GRM7: variants seen among roughly 807,000 people sequenced by gnomAD.
GRM7 encodes the protein metabotropic glutamate receptor 7.
A neutral mutation model predicts 84.5 loss-of-function variants in GRM7; 35 were observed. The observed-to-expected ratio is 0.41, with a 90% CI of 0.32 to 0.55. The LOEUF (loss-of-function observed/expected upper bound fraction) is 0.55, where lower values mean the gene tolerates loss of function less well. Ranked by LOEUF, GRM7 falls within the 20% of genes least tolerant of loss-of-function variation. The probability of loss-of-function intolerance (pLI) is 0.19; values close to 1 mark genes in which losing one functional copy is unlikely to be tolerated. For missense variants in GRM7, 1,003 were observed against 1,194.6 expected, an observed-to-expected ratio of 0.84 and a Z score of 2.36; for synonymous variants, 487 against 455.1, an observed-to-expected ratio of 1.07 and a Z score of -0.89.
chr3:7,537,875 A>G (rs1170723217), intron 7 of GRM7, among the ~76,000 whole-genome samples: 1 of 152,242 alleles, frequency 6.6e-6, no homozygotes, highest in African/African-American at 2.4e-5. Flanking sequence ...ATGTAGGCCA[A>G]TATGGTCTAC....
intron 1 of GRM7, among the ~76,000 whole-genome samples, chr3:6,879,440 A>G (rs1045228666): frequency 2.6e-5 from 4 of 152,234 alleles, no homozygotes; most frequent in Admixed American, 2.6e-4. Flanking sequence ...TGAAAGATAT[A>G]ACACACTACA....
intron 5 of GRM7, among the ~76,000 whole-genome samples, chr3:7,439,707 A>G (rs1697207828): frequency 6.6e-6 from 1 of 152,210 alleles, no homozygotes; most frequent in South Asian, 2.1e-4. Flanking sequence ...ACACTGATAC[A>G]TGGGGCTATG....
chr3:6,905,361 A>G (rs1466409729), intron 1 of GRM7, among the ~76,000 whole-genome samples: 2 of 152,164 alleles, frequency 1.3e-5, no homozygotes, highest in Admixed American at 1.3e-4. Flanking sequence ...TGTTGATATT[A>G]CAAGTGTATC....
chr3:7,421,519 C>A (rs368291108), intron 5 of GRM7, among the ~76,000 whole-genome samples: 8 of 152,116 alleles, frequency 5.3e-5, no homozygotes, highest in African/African-American at 1.4e-4. Context: ...CAGGCCTGGA[C>A]CTTAGTTACA....
intron 2 of GRM7, among the ~76,000 whole-genome samples, chr3:7,232,795 G>A (rs540020906): frequency 6.6e-6 from 1 of 152,270 alleles, no homozygotes; most frequent in African/African-American, 2.4e-5. Context: ...GCAGAGCTAA[G>A]ATTCTAACTC....
chr3:7,519,490 A>C (rs59401612), intron 7 of GRM7, among the ~76,000 whole-genome samples: 1 of 152,186 alleles, frequency 6.6e-6, no homozygotes, highest in Non-Finnish European at 1.5e-5. Flanking sequence ...GTTAACCTTA[A>C]TATTCAATTC....
intron 1 of GRM7, among the ~76,000 whole-genome samples, chr3:6,906,817 C>A (rs554691965): frequency 6.6e-6 from 1 of 152,226 alleles, no homozygotes; most frequent in South Asian, 2.1e-4. Context: ...AAAAAAGTTT[C>A]TCTAAATATA....
intron 4 of GRM7, among the ~76,000 whole-genome samples, chr3:7,361,355 A>C (rs1296235394): frequency 3.9e-5 from 6 of 152,136 alleles, no homozygotes; most frequent in Non-Finnish European, 8.8e-5. Flanking sequence ...AAGCAAGTCT[A>C]GACACAAGGT....
intron 4 of GRM7, among the ~76,000 whole-genome samples, chr3:7,342,183 G>A (rs1056854507): frequency 6.6e-6 from 1 of 152,000 alleles, no homozygotes; most frequent in Non-Finnish European, 1.5e-5. Context: ...AATGACTCAG[G>A]GACCCAGAGA....
chr3:6,955,175 A>T (rs1327096630), intron 1 of GRM7, among the ~76,000 whole-genome samples: 2 of 152,254 alleles, frequency 1.3e-5, no homozygotes, highest in Admixed American at 6.5e-5. Context: ...GTATCAAAAC[A>T]AGACAAAACA....
intron 2 of GRM7, among the ~76,000 whole-genome samples, chr3:7,172,999 A>G (rs1032709352): frequency 3.9e-5 from 6 of 152,128 alleles, no homozygotes; most frequent in African/African-American, 1.4e-4. Flanking sequence ...ACACCTATAT[A>G]TTACTATATA....
At chr3:7,510,674 T>A (rs1236762707) in intron 7 of GRM7, among the ~76,000 whole-genome samples, 2 of 152,310 alleles carry the variant, frequency 1.3e-5, no homozygotes, top group Middle Eastern at 3.4e-3. Flanking sequence ...TCAGATCAAA[T>A]CTGTCCTGCT....
intron 1 of GRM7, among the ~76,000 whole-genome samples, chr3:6,927,053 A>G (rs763213217): frequency 6.6e-5 from 10 of 152,322 alleles, no homozygotes; most frequent in Non-Finnish European, 1.3e-4. Context: ...CTGTATATGT[A>G]GACATAGGTA....
In GRM7 at chr3:7,461,573, T is replaced by G. The variant is rs1354992905; in HGVS notation, c.1376-10T>G. 1 of 1,607,804 alleles carries G rather than the reference T, an allele frequency of 6.2e-7. No homozygotes were observed. Among genetic ancestry groups the G allele is most frequent in the Non-Finnish European group, 8.5e-7 (1 of 1,174,598 alleles). ...ACTTTAGAATCTTTCATTTTTTCTG[T>G]CTTCCTTAGGTAGTGCTGGCACTCC... On this transcript the variant is annotated splice_polypyrimidine_tract_variant and intron_variant, in intron 6 of 9. Coordinates refer to ENST00000357716, the MANE Select transcript of GRM7 (RefSeq NM_000844.4).
intron 4 of GRM7, among the ~76,000 whole-genome samples, chr3:7,390,222 A>T (rs988851675): frequency 7.2e-5 from 11 of 151,968 alleles, no homozygotes; most frequent in African/African-American, 2.4e-4. Flanking sequence ...TGAGAAGTCC[A>T]CCGTTATTCT....
intron 1 of GRM7, among the ~76,000 whole-genome samples, chr3:7,044,556 G>A (rs1696734302): frequency 6.6e-6 from 1 of 152,054 alleles, no homozygotes; most frequent in Admixed American, 6.6e-5. Flanking sequence ...CAGAATAATA[G>A]AAAAGAAAGC....
At chr3:7,193,877 A>C (rs1695797350) in intron 2 of GRM7, among the ~76,000 whole-genome samples, 2 of 152,150 alleles carry the variant, frequency 1.3e-5, no homozygotes. Context: ...ACCAGACGTC[A>C]GTGAGATGAC....
intron 1 of GRM7, among the ~76,000 whole-genome samples, chr3:6,917,494 CTTTTTTTTT>C (rs35883512): frequency 7.9e-6 from 1 of 126,360 alleles, no homozygotes; most frequent in Non-Finnish European, 1.7e-5. Context: ...TTGTTAATTG[CTTTTTTTTT>C]TTTTTTTTTG....
intron 5 of GRM7, among the ~76,000 whole-genome samples, chr3:7,433,837 G>C (rs540723507): frequency 2.0e-5 from 3 of 152,124 alleles, no homozygotes; most frequent in Non-Finnish European, 4.4e-5. Context: ...CTCTCATCCT[G>C]TCTCATCTGT....
Sources: gnomAD v4.1 joint callset for allele counts (sites outside exome capture counted in the v4.1 genomes callset) on GRCh38, gnomAD v4.1.1 for gene constraint, MANE v1.5 for transcripts, NCBI Gene and HGNC (gene_info 2026-07-23, HGNC 2026-07-21) for gene names.